ESPNL: variants seen among roughly 807,000 people sequenced by gnomAD.
ESPNL encodes the protein espin-like protein.
Under a neutral mutation model 46.8 loss-of-function variants are expected in ESPNL, and 49 were observed. That is an observed-to-expected ratio of 1.05 (90% confidence interval 0.83 to 1.33). The LOEUF is 1.33. Among genes scored for constraint, ESPNL ranks in the 40% most tolerant of loss-of-function variants. The pLI is 0.00. For missense variants in ESPNL, 1,540 were observed against 1,436.6 expected (o/e 1.07, Z -1.16); for synonymous variants, 664 against 662.1 (o/e 1.00, Z -0.04).
Position 238,131,206 on chromosome 2 carries a change from G to A in ESPNL, c.2492G>A (p.Arg831His), listed in dbSNP as rs751400186. 68 of 1,545,820 alleles carry A rather than the reference G, an allele frequency of 4.4e-5. No homozygotes were observed. Among genetic ancestry groups the A allele is most frequent in the South Asian group, 3.0e-4 (25 of 84,178 alleles). The change falls in exon 9 of 9, where the codon CGC becomes CAC. Residue 831 changes from arginine (R) to histidine (H), a missense_variant. Coordinates refer to ENST00000343063, the MANE Select transcript of ESPNL (RefSeq NM_194312.4). ...CTGCGGCGGCTGAGCCGGCAGCCCC[G>A]CGGGGCTTTGTCCCCCGAGCAGTTC... ...RQLRRLSRQPRGALSPEQFLP... is the reference protein window; with the variant it reads ...RQLRRLSRQPHGALSPEQFLP...
chr2:238,110,178 G>A (rs1691687014), intron 4 of ESPNL, among the ~76,000 whole-genome samples: 2 of 146,054 alleles, frequency 1.4e-5, no homozygotes, highest in South Asian at 2.2e-4. Context: ...ATATGTTACC[G>A]AGTGTCCCTT....
At chr2:238,113,604 A>G (rs767671467) in intron 4 of ESPNL, among the ~76,000 whole-genome samples, 11 of 152,210 alleles carry the variant, frequency 7.2e-5, no homozygotes, top group Non-Finnish European at 2.9e-5. Flanking sequence ...GGCCTTAGCA[A>G]TATCTTATTT....
intron 5 of ESPNL, 85 bp from the exon 6 acceptor site, chr2:238,125,185 G>A (rs775548887): frequency 4.4e-5 from 26 of 588,808 alleles, no homozygotes; most frequent in Admixed American, 3.0e-4. Flanking sequence ...CCCAAGGCTC[G>A]TCCACTGGGT....
intron 8 of ESPNL, 66 bp downstream of exon 8, chr2:238,128,970 A>C: frequency 6.7e-7 from 1 of 1,492,680 alleles, no homozygotes; most frequent in Non-Finnish European, 8.9e-7. Context: ...GTGGAAGTGG[A>C]AGTCAGGGCG....
chr2:238,116,545 G>A (rs954790483), intron 4 of ESPNL, among the ~76,000 whole-genome samples: 5 of 152,164 alleles, frequency 3.3e-5, no homozygotes, highest in African/African-American at 9.7e-5. Context: ...GTCTCTTCAC[G>A]TGCATTGATC....
chr2:238,100,419 G>A lies in ESPNL; in HGVS notation c.-1G>A, dbSNP rs756925704. 1.9e-6 allele frequency: 3 copies of A among 1,598,700 alleles called. No homozygotes were observed. Among genetic ancestry groups the A allele is most frequent in the Non-Finnish European group, 2.6e-6 (3 of 1,175,634 alleles). On this transcript the variant is annotated 5_prime_UTR_variant, in exon 1 of 9. Coordinates refer to ENST00000343063, the MANE Select transcript of ESPNL (RefSeq NM_194312.4). ...TCGCCACTGAGAGCCCGGGCCAGAG[G>A]ATGGAGAAGCAGCGGGCACTCGTGG...
chr2:238,111,881 T>C (rs902795922), intron 4 of ESPNL, among the ~76,000 whole-genome samples: 7 of 152,362 alleles, frequency 4.6e-5, no homozygotes, highest in South Asian at 2.1e-4. Flanking sequence ...CAACATGACA[T>C]ATTATTCCTT....
At chr2:238,126,583 TTG>T (rs1335969958) in intron 6 of ESPNL, among the ~76,000 whole-genome samples, 1 of 114,104 alleles carries the variant, frequency 8.8e-6, no homozygotes, top group East Asian at 2.8e-4. Context: ...GTGTCTGTGA[TTG>T]TGTCTGTGTG....
Position 238,100,647 on chromosome 2 carries a change from C to G in ESPNL, c.228C>G (p.Asp76Glu). Residue 76 changes from aspartate (D) to glutamate (E), a missense_variant, in exon 1 of 9, where the codon GAC becomes GAG. Transcript: ENST00000343063. ...ACAACGGGGCCACCCCAGCGCATGA[C>G]GCCGCTGCCACGGGCAGCCTGGCCG... ...RAHNGATPAH[D>E]AAATGSLAEL... 6.9e-7 allele frequency: 1 copy of G among 1,449,642 alleles called. No individual in the cohort carries two copies. The highest frequency in any genetic ancestry group is 9.0e-7 in the Non-Finnish European group (1 of 1,108,176). The allele number at this position is 1,449,642 out of a possible 1,614,324, so 89.8% of individuals were successfully genotyped here.
intron 4 of ESPNL, among the ~76,000 whole-genome samples, chr2:238,113,934 C>T (rs1221811219): frequency 6.6e-6 from 1 of 152,202 alleles, no homozygotes; most frequent in Non-Finnish European, 1.5e-5. Flanking sequence ...CCCTCACCCC[C>T]CAGGCTTTCC....
chr2:238,102,032 C>T lies in ESPNL; in HGVS notation c.386C>T (p.Ser129Leu), dbSNP rs142459355. The change falls in exon 2 of 9, where the codon TCG becomes TTG. Residue 129 changes from serine (S) to leucine (L), a missense_variant. Physicochemically the swap from Ser to Leu is moderately radical, Grantham distance 145. Transcript: ENST00000343063. ...LVEWLLHEGH[S>L]ATLETREGAR... ...GAGTGGCTGCTCCACGAGGGCCACT[C>T]GGCCACGCTAGAGACCCGGGAGGGA... 245 of 1,605,568 alleles carry T rather than the reference C, an allele frequency of 1.5e-4. No homozygotes were observed. The highest frequency in any genetic ancestry group is 1.3e-3 in the Middle Eastern group (7 of 5,288).
chr2:238,129,015 C>A (rs564297102), intron 8 of ESPNL, 111 bp downstream of exon 8: 2 of 1,445,208 alleles, frequency 1.4e-6, no homozygotes, highest in African/African-American at 1.4e-5. Context: ...GACCCAGGGG[C>A]CCCTCTCCTC....
chr2:238,116,886 T>G lies in ESPNL; in HGVS notation c.856-17T>G. 1.9e-6 allele frequency: 3 copies of G among 1,611,358 alleles called. No individual in the cohort carries two copies. The highest frequency in any genetic ancestry group is 2.5e-6 in the Non-Finnish European group (3 of 1,179,088). On this transcript the variant is annotated splice_polypyrimidine_tract_variant and intron_variant, in intron 4 of 8. Coordinates refer to ENST00000343063, the MANE Select transcript of ESPNL (RefSeq NM_194312.4). Reference sequence around the variant, plus strand: ...TTTGTGTCGTGGTGGGTCACATGTGTGCCCTCCTCACTGCAGTGCTGCCAG... The same window carrying G: ...TTTGTGTCGTGGTGGGTCACATGTGGGCCCTCCTCACTGCAGTGCTGCCAG...
Position 238,131,443 on chromosome 2 carries a change from CCGGCCGCCGGGCCTGGACCGA to C in ESPNL, c.2734_2754del (p.Arg912_Gly918del). On this transcript the variant is annotated inframe_deletion, in exon 9 of 9. Transcript: ENST00000343063. ...AAGGCCGTGACCGACGAGGTGGCCG[CCGGCCGCCGGGCCTGGACCGA>C]CGGCTTCGAGGACATCAAAGCCCGC... is the stretch of plus-strand genomic sequence containing the variant. 1 of 1,609,382 alleles carries C rather than the reference CCGGCCGCCGGGCCTGGACCGA, an allele frequency of 6.2e-7. No individual in the cohort carries two copies. The highest frequency in any genetic ancestry group is 8.5e-7 in the Non-Finnish European group (1 of 1,178,194).
chr2:238,127,550 G>A lies in ESPNL; in HGVS notation c.1103-72G>A. ...GGAGGTCAGCTCTGCCCCCAGGGCC[G>A]GATCCCCGAGGCTCTGGGTCTCTGC... On this transcript the variant is annotated intron_variant, in intron 6 of 8. Transcript: ENST00000343063. 5.4e-6 allele frequency: 8 copies of A among 1,491,818 alleles called. 1 individual carries two copies. In the South Asian group the frequency reaches 8.0e-5, roughly 15 times the overall value. The allele number at this position is 1,491,818 out of a possible 1,614,324, so 92.4% of individuals were successfully genotyped here. A position where few individuals can be genotyped will look rare whatever the true frequency, so the allele number is the denominator to read the frequency against.
chr2:238,127,691 C>A lies in ESPNL; in HGVS notation c.1172C>A (p.Pro391Gln), dbSNP rs748648085. Residue 391 changes from proline to glutamine, a missense_variant, in exon 7 of 9, where the codon CCG (proline) becomes CAG (glutamine). Physicochemically the swap from Pro to Gln is moderately conservative, Grantham distance 76. Transcript: ENST00000343063. ...QPLPREQMTS[P>Q]APPRIITSAT... ...CTTCCCAGGGAGCAGATGACCAGCC[C>A]GGCCCCTCCGAGGATCATCACCAGT... The A allele has an allele frequency of 9.9e-6, 16 of 1,612,526 alleles. No individual in the cohort carries two copies. Among genetic ancestry groups the A allele is most frequent in the Non-Finnish European group, 1.2e-5 (14 of 1,179,508 alleles).
chr2:238,115,539 A>G (rs3948117), intron 4 of ESPNL, among the ~76,000 whole-genome samples: 28,933 of 152,166 alleles, frequency 0.19, 3,016 homozygotes, highest in African/African-American at 0.27. Context: ...GTCACGTTGT[A>G]TTTACTCACG....
At chr2:238,127,790 C>T in intron 7 of ESPNL, 56 bp downstream of exon 7, 7 of 1,363,316 alleles carry the variant, frequency 5.1e-6, no homozygotes, top group South Asian at 1.3e-5. Context: ...AGCCTCCATT[C>T]CCATCCTCTT....
intron 4 of ESPNL, among the ~76,000 whole-genome samples, chr2:238,115,688 T>C (rs1292590413): frequency 6.6e-6 from 1 of 152,232 alleles, no homozygotes; most frequent in Non-Finnish European, 1.5e-5. Flanking sequence ...CACAACTTGT[T>C]TGAGGTGGAG....
Sources: gnomAD v4.1 joint callset for allele counts (sites outside exome capture counted in the v4.1 genomes callset) on GRCh38, gnomAD v4.1.1 for gene constraint, MANE v1.5 for transcripts, NCBI Gene and HGNC (gene_info 2026-07-23, HGNC 2026-07-21) for gene names.